Variants in TECRL observed in about 807,000 individuals in gnomAD.
The protein encoded by TECRL is trans-2,3-enoyl-CoA reductase-like.
TECRL carries 63 observed loss-of-function variants against 52.8 expected under a neutral mutation model. That is an observed-to-expected ratio of 1.19 (90% CI 0.97 to 1.47). The LOEUF is 1.47. Among genes scored for constraint, TECRL ranks in the 40% most tolerant of loss-of-function variants. The pLI is 0.00. For synonymous variants in TECRL, 164 were observed against 141.9 expected (o/e 1.16, Z -1.10); for missense variants, 482 against 429.6 (o/e 1.12, Z -1.08).
chr4:64,337,037 A>T (rs1719143026), intron 2 of TECRL, among the ~76,000 whole-genome samples: 1 of 152,140 alleles, frequency 6.6e-6, no homozygotes, highest in Admixed American at 6.6e-5. Flanking sequence ...CTTGGTGCAG[A>T]GCTGAATTCA....
intron 2 of TECRL, among the ~76,000 whole-genome samples, chr4:64,363,015 A>G (rs199659515): frequency 0.24 from 34,764 of 147,528 alleles, 4,195 homozygotes; most frequent in Middle Eastern, 0.31. Context: ...CAGGCACATA[A>G]AAAAAAAAAA....
chr4:64,310,359 T>A (rs1160677897), intron 5 of TECRL, among the ~76,000 whole-genome samples: 1 of 152,204 alleles, frequency 6.6e-6, no homozygotes, highest in African/African-American at 2.4e-5. Context: ...TTTAATTGTC[T>A]GGTTGTCCTT....
At chr4:64,330,764 A>G (rs1285658525) in intron 2 of TECRL, among the ~76,000 whole-genome samples, 1 of 152,110 alleles carries the variant, frequency 6.6e-6, no homozygotes, top group East Asian at 1.9e-4. Context: ...AATGGGAGAA[A>G]ACATTCTAGT....
At chr4:64,361,186 A>G (rs137859171) in intron 2 of TECRL, among the ~76,000 whole-genome samples, 93 of 152,146 alleles carry the variant, frequency 6.1e-4, no homozygotes, top group Non-Finnish European at 5.3e-4. Flanking sequence ...CTGACTATCC[A>G]CCAGAGTGCT....
chr4:64,309,746 G>A, intron 6 of TECRL, 80 bp downstream of exon 6: 4 of 927,928 alleles, frequency 4.3e-6, no homozygotes, highest in Non-Finnish European at 5.2e-6. Context: ...GTTTCGGAAG[G>A]AAACAATGAT....
chr4:64,392,374 C>T (rs1463440386), intron 1 of TECRL, among the ~76,000 whole-genome samples: 5 of 151,846 alleles, frequency 3.3e-5, no homozygotes, highest in African/African-American at 1.2e-4. Context: ...TTAGTCCAAT[C>T]TCCTTTACAT....
At chr4:64,323,341 G>A (rs76963043) in intron 3 of TECRL, among the ~76,000 whole-genome samples, 1,659 of 152,008 alleles carry the variant, frequency 0.011, 25 homozygotes, top group African/African-American at 0.037. Flanking sequence ...AGGCTACAGT[G>A]AACTGTGATC....
intron 2 of TECRL, among the ~76,000 whole-genome samples, chr4:64,345,000 C>CA (rs1297028921): frequency 6.6e-6 from 1 of 152,116 alleles, no homozygotes; most frequent in African/African-American, 2.4e-5. Flanking sequence ...ATCAAAACCA[C>CA]AATGAGATAC....
At chr4:64,325,824 A>G (rs549223935) in intron 3 of TECRL, among the ~76,000 whole-genome samples, 1 of 152,220 alleles carries the variant, frequency 6.6e-6, no homozygotes, top group African/African-American at 2.4e-5. Flanking sequence ...TTGGCATTCT[A>G]TTTTTAAAAT....
At chr4:64,405,043 A>G (rs1315900814) in intron 1 of TECRL, among the ~76,000 whole-genome samples, 1 of 152,112 alleles carries the variant, frequency 6.6e-6, no homozygotes, top group Non-Finnish European at 1.5e-5. Flanking sequence ...TTGTGCTTAT[A>G]TACTAAGGGT....
At chr4:64,327,983 G>T (rs1186354176) in intron 3 of TECRL, among the ~76,000 whole-genome samples, 2 of 151,848 alleles carry the variant, frequency 1.3e-5, no homozygotes, top group Admixed American at 6.6e-5. Flanking sequence ...TTGATGTAGT[G>T]TCAGCAACAG....
Position 64,300,012 on chromosome 4 carries a change from C to A in TECRL, c.736G>T (p.Gly246Ter). The A allele has an allele frequency of 6.4e-7, 1 of 1,573,758 alleles. No individual in the cohort carries two copies. The highest frequency in any genetic ancestry group is 8.6e-7 in the Non-Finnish European group (1 of 1,156,942). The change falls in exon 8 of 12, where the codon GGA (glycine) becomes TGA (stop). Residue 246 changes from glycine to a stop codon, truncating the protein, a stop_gained. Transcript: ENST00000381210. LOFTEE classifies it high-confidence loss of function. ...GCAGATACTGTGATTTGCCTGTTTC[C>A]AAATGCTGGAGAGTAGAAAAAGAAT... ...NHPLYTPPSFGNRQITVSAIN... is the reference protein window; with the variant it reads ...NHPLYTPPSF
intron 9 of TECRL, among the ~76,000 whole-genome samples, chr4:64,287,078 T>C (rs1054453813): frequency 2.0e-5 from 3 of 152,108 alleles, no homozygotes; most frequent in African/African-American, 7.2e-5. Context: ...GCATTCAATC[T>C]CTTAATGAAA....
In TECRL at chr4:64,358,344, A is replaced by C. The variant is rs1418954001; in HGVS notation, c.286+16828T>G. Among the ~76,000 whole-genome samples, 3 of 151,876 alleles carry C rather than the reference A, an allele frequency of 2.0e-5. No homozygotes were observed. The East Asian group carries it at 5.8e-4, about 29-fold the overall frequency. ...ATCTAAAAAATATTGTTAAATAAATAAATAATCATCGTATTGCCTTCTTAT... is the reference window on the plus strand; with the variant it reads ...ATCTAAAAAATATTGTTAAATAAATCAATAATCATCGTATTGCCTTCTTAT... On this transcript the variant is annotated intron_variant, in intron 2 of 11. Coordinates refer to ENST00000381210, the MANE Select transcript of TECRL (RefSeq NM_001010874.5).
intron 8 of TECRL, among the ~76,000 whole-genome samples, chr4:64,295,165 A>C (rs2109961412): frequency 6.6e-6 from 1 of 151,788 alleles, no homozygotes; most frequent in Admixed American, 6.6e-5. Flanking sequence ...CATTTAGTGT[A>C]AATTTTGGGT....
intron 2 of TECRL, among the ~76,000 whole-genome samples, chr4:64,353,024 C>T (rs1239732490): frequency 6.6e-6 from 1 of 152,146 alleles, no homozygotes; most frequent in African/African-American, 2.4e-5. Flanking sequence ...CAATTCAATA[C>T]TTTGTTTCTA....
Position 64,390,885 on chromosome 4 carries a change from A to C in TECRL, c.235-15662T>G, listed in dbSNP as rs562983902. ...TTTAAAATATGACAAATATGAAATG[A>C]GTTTCAAGCAAAAATAATTAGGGAG... On this transcript the variant is annotated intron_variant, in intron 1 of 11. Coordinates refer to ENST00000381210, the MANE Select transcript of TECRL (RefSeq NM_001010874.5). Among the ~76,000 whole-genome samples the C allele has an allele frequency of 2.6e-5, 4 of 151,926 alleles. No individual in the cohort carries two copies. The East Asian group carries it at 7.7e-4, about 29-fold the overall frequency.
intron 11 of TECRL, among the ~76,000 whole-genome samples, chr4:64,280,810 A>G (rs1250137140): frequency 6.6e-6 from 1 of 152,176 alleles, no homozygotes; most frequent in Non-Finnish European, 1.5e-5. Context: ...ATTGCTTAAT[A>G]AATACATTTG....
In TECRL at chr4:64,408,347, C is replaced by G. The variant is rs192893369; in HGVS notation, c.234+771G>C. Among the ~76,000 whole-genome samples, 110 of 151,764 alleles carry G rather than the reference C, an allele frequency of 7.2e-4. 1 individual carries two copies. The highest frequency in any genetic ancestry group is 2.3e-3 in the African/African-American group (94 of 41,462). ...CTATTTTATTACCTGTACAAATATG[C>G]CTTTCTCATATTAAGTTAATAGTAC... is the stretch of plus-strand genomic sequence containing the variant. On this transcript the variant is annotated intron_variant, in intron 1 of 11. Coordinates refer to ENST00000381210, the MANE Select transcript of TECRL (RefSeq NM_001010874.5).
Sources: allele counts gnomAD v4.1 joint callset (sites outside exome capture counted in the v4.1 genomes callset), GRCh38; gene constraint gnomAD v4.1.1; transcripts MANE v1.5; gene names NCBI Gene and HGNC (gene_info 2026-07-23, HGNC 2026-07-21).